ITPR1: variants seen among roughly 807,000 people sequenced by gnomAD.
ITPR1 encodes inositol 1,4,5-trisphosphate receptor type 1.
A neutral mutation model predicts 318.4 loss-of-function variants in ITPR1; 96 were observed. The observed-to-expected ratio is 0.30, with a 90% CI of 0.26 to 0.36. The LOEUF is 0.36. Ranked by LOEUF, ITPR1 falls within the 10% of genes least tolerant of loss-of-function variation. ITPR1 has a pLI of 1.00. For synonymous variants in ITPR1, 1,312 were observed against 1,289.9 expected, an observed-to-expected ratio of 1.02 and a Z score of -0.37; for missense variants, 2,440 against 3,460.2, an observed-to-expected ratio of 0.71 and a Z score of 7.40.
At chr3:4,815,279 G>A in intron 59 of ITPR1, 61 bp downstream of exon 59, 2 of 1,548,834 alleles carry the variant, frequency 1.3e-6, no homozygotes, top group Non-Finnish European at 1.8e-6. Flanking sequence ...GAGGCATGTG[G>A]ATACTGCGAG....
chr3:4,797,005 C>T, intron 53 of ITPR1, among the ~76,000 whole-genome samples: 1 of 152,212 alleles, frequency 6.6e-6, no homozygotes, highest in East Asian at 1.9e-4. Context: ...CCTTCCAACT[C>T]TAAAATGGTG....
chr3:4,683,748 G>T lies in ITPR1; in HGVS notation c.3448G>T (p.Asp1150Tyr). ...TTGGGTGTACAAAGGGCAGGGCCCC[G>T]ATGAGACTATGGATGGTGCATCTGG... Reference protein sequence around the residue: ...ELWVYKGQGPDETMDGASGEN... With the variant: ...ELWVYKGQGPYETMDGASGEN... The change falls in exon 28 of 62, where the codon GAT (aspartate) becomes TAT (tyrosine). Residue 1150 changes from aspartate to tyrosine, a missense_variant. Asp to Tyr is a radical substitution (Grantham distance 160). Around this residue, in one of 23 missense-constraint regions of ITPR1, gnomAD observed 86 missense variants for 75.6 expected, o/e 1.14. Transcript: ENST00000649015. 6.2e-7 allele frequency: 1 copy of T among 1,614,002 alleles called. No homozygotes were observed. Among genetic ancestry groups the T allele is most frequent in the South Asian group, 1.1e-5 (1 of 91,078 alleles).
At chr3:4,515,840 GA>G (rs1376871870) in intron 2 of ITPR1, among the ~76,000 whole-genome samples, 1 of 152,198 alleles carries the variant, frequency 6.6e-6, no homozygotes, top group Non-Finnish European at 1.5e-5. Context: ...TCATCCTCTG[GA>G]AGTGTTTCTT....
intron 44 of ITPR1, among the ~76,000 whole-genome samples, chr3:4,736,791 T>A (rs1168404247): frequency 6.6e-6 from 1 of 152,220 alleles, no homozygotes; most frequent in Non-Finnish European, 1.5e-5. Context: ...ATGCTCCTTG[T>A]CTTAGAACCA....
rs1206491326 is a variant in ITPR1, at chr3:4,674,184, T to C, written c.2457-18T>C. The C allele has an allele frequency of 5.2e-6, 8 of 1,530,198 alleles. No individual in the cohort carries two copies. In the East Asian group the frequency reaches 1.5e-4, roughly 28 times the overall value. The allele number at this position is 1,530,198 out of a possible 1,614,324, so 94.8% of individuals were successfully genotyped here. On this transcript the variant is annotated intron_variant, in intron 21 of 61. Transcript: ENST00000649015. ...ATAACTTGAAATTTTGTTTCCTTTC[T>C]TTCTCCTTTCTTTTCAGCTATGATA...
At chr3:4,737,207 T>C (rs1481297765) in intron 44 of ITPR1, among the ~76,000 whole-genome samples, 1 of 152,110 alleles carries the variant, frequency 6.6e-6, no homozygotes, top group Non-Finnish European at 1.5e-5. Context: ...TCCCAGAATC[T>C]CAGTCCTCAA....
chr3:4,801,921 A>G (rs189969191), intron 54 of ITPR1, among the ~76,000 whole-genome samples: 1 of 152,352 alleles, frequency 6.6e-6, no homozygotes, highest in African/African-American at 2.4e-5. Context: ...ATCAACAGAC[A>G]ATAAATAAAG....
chr3:4,737,907 G>T (rs1043448172), intron 44 of ITPR1, among the ~76,000 whole-genome samples: 2 of 152,186 alleles, frequency 1.3e-5, no homozygotes, highest in Non-Finnish European at 2.9e-5. Context: ...CGTATCCTTT[G>T]CTGGGACACG....
At chr3:4,642,404 A>G (rs577872091) in intron 7 of ITPR1, among the ~76,000 whole-genome samples, 153 bp downstream of exon 7, 13 of 152,304 alleles carry the variant, frequency 8.5e-5, no homozygotes, top group African/African-American at 3.1e-4. Context: ...TGTTTGGGAA[A>G]CAGGGAACTG....
At position 4,815,012 on chromosome 3, in the gene ITPR1, C is replaced by G. The variant is rs770032043; in HGVS notation, c.7702-41C>G. The stretch of plus-strand genomic sequence containing the variant: ...CCCCAGGCTCCGCAGACCAAAGGGT[C>G]GCAAGGGACCCAGACTGATCCAGAC... On this transcript the variant is annotated intron_variant, in intron 58 of 61. Transcript: ENST00000649015. 3 of 1,544,136 alleles carry G rather than the reference C, an allele frequency of 1.9e-6. No homozygotes were observed. The East Asian group carries it at 6.8e-5, about 35-fold the overall frequency.
Position 4,768,779 on chromosome 3 carries a change from G to T in ITPR1, c.5979+15G>T. 3 of 1,601,824 alleles carry T rather than the reference G, an allele frequency of 1.9e-6. No homozygotes were observed. The highest frequency in any genetic ancestry group is 1.7e-4 in the Middle Eastern group (1 of 6,010). On this transcript the variant is annotated intron_variant, in intron 46 of 61. Transcript: ENST00000649015. Reference sequence around the variant, plus strand: ...GAGACCTGCAGGTGAGGGCCTGGGGGTGGGGGCGTGGAGGGAGCTCGGGAA... The same window carrying T: ...GAGACCTGCAGGTGAGGGCCTGGGGTTGGGGGCGTGGAGGGAGCTCGGGAA...
intron 4 of ITPR1, among the ~76,000 whole-genome samples, chr3:4,597,168 G>A (rs1042358056): frequency 6.6e-6 from 1 of 152,206 alleles, no homozygotes; most frequent in Admixed American, 6.5e-5. Flanking sequence ...AGGAAAAGAT[G>A]TGGAGGTGGA....
chr3:4,774,988 G>A (rs2046399414), intron 46 of ITPR1, among the ~76,000 whole-genome samples: 1 of 152,182 alleles, frequency 6.6e-6, no homozygotes, highest in Admixed American at 6.5e-5. Flanking sequence ...AAGATTATAG[G>A]AGTCAACTGC....
chr3:4,721,155 G>A (rs2042126480), intron 40 of ITPR1, among the ~76,000 whole-genome samples: 1 of 92,762 alleles, frequency 1.1e-5, no homozygotes, highest in African/African-American at 5.1e-5. Context: ...TCTGTGTGTA[G>A]ATACGTGTGT....
intron 4 of ITPR1, among the ~76,000 whole-genome samples, chr3:4,610,768 C>T (rs944158289): frequency 3.3e-5 from 5 of 152,228 alleles, no homozygotes; most frequent in African/African-American, 1.2e-4. Context: ...CACAGGTCCG[C>T]CCAGCTATGG....
intron 29 of ITPR1, 81 bp from the exon 30 acceptor site, chr3:4,684,988 C>A: frequency 7.0e-7 from 1 of 1,427,446 alleles, no homozygotes; most frequent in Non-Finnish European, 9.7e-7. Context: ...CCCTTTGCCT[C>A]CCTGCCCGCC....
At chr3:4,771,093 T>C (rs773134669) in intron 46 of ITPR1, among the ~76,000 whole-genome samples, 2 of 152,078 alleles carry the variant, frequency 1.3e-5, no homozygotes, top group African/African-American at 2.4e-5. Context: ...AGCCTTGGAG[T>C]CCACAGGGGA....
intron 31 of ITPR1, among the ~76,000 whole-genome samples, chr3:4,689,611 T>C (rs2094449472): frequency 6.6e-6 from 1 of 152,158 alleles, no homozygotes; most frequent in Admixed American, 6.5e-5. Flanking sequence ...CAACCTGTGT[T>C]CCCTCAGTGT....
chr3:4,696,674 T>G (rs759674166), intron 33 of ITPR1, among the ~76,000 whole-genome samples: 11 of 13,846 alleles, frequency 7.9e-4, no homozygotes, highest in Admixed American at 1.2e-3. Flanking sequence ...TTGCCGTGTG[T>G]TTTTTTTTTT....
Sources: gnomAD v4.1 joint callset for allele counts (sites outside exome capture counted in the v4.1 genomes callset) on GRCh38, gnomAD v4.1.1 for gene constraint, gnomAD v4.1.1 regional missense constraint, MANE v1.5 for transcripts, NCBI Gene and HGNC (gene_info 2026-07-23, HGNC 2026-07-21) for gene names.